The following MECOM variants were observed in gnomAD, a reference collection of about 807,000 sequenced individuals.
MECOM encodes MDS1 and EVI1 complex locus, also known as histone-lysine N-methyltransferase MECOM.
Under a neutral mutation model 116.3 loss-of-function variants are expected in MECOM, and 13 were observed. The ratio of observed to expected loss-of-function variants is 0.11; its 90% CI spans 0.07 to 0.18. MECOM has a LOEUF of 0.18. Ranked by LOEUF, MECOM falls within the 10% of genes least tolerant of loss-of-function variation. MECOM has a pLI of 1.00. For missense variants in MECOM, 1,299 were observed against 1,509.0 expected, an observed-to-expected ratio of 0.86 and a Z score of 2.31; for synonymous variants, 528 against 535.2, an observed-to-expected ratio of 0.99 and a Z score of 0.19.
chr3:169,218,514 G>C (rs1305085826), intron 2 of MECOM, among the ~76,000 whole-genome samples: 1 of 152,142 alleles, frequency 6.6e-6, no homozygotes, highest in Non-Finnish European at 1.5e-5. Context: ...CTTTTGACTG[G>C]AATGAGTATT....
chr3:169,152,059 T>C (rs953392321), intron 2 of MECOM, among the ~76,000 whole-genome samples: 10 of 152,166 alleles, frequency 6.6e-5, no homozygotes, highest in Non-Finnish European at 1.0e-4. Flanking sequence ...CAAGCTTTGT[T>C]CTCTAAGCAT....
At chr3:169,266,096 C>G (rs559300548) in intron 2 of MECOM, among the ~76,000 whole-genome samples, 37 of 152,268 alleles carry the variant, frequency 2.4e-4, no homozygotes, top group African/African-American at 8.7e-4. Flanking sequence ...AGGATTTTTA[C>G]TTTGATAATT....
At chr3:169,146,615 G>A in intron 2 of MECOM, 2 of 1,369,744 alleles carry the variant, frequency 1.5e-6, no homozygotes, top group Non-Finnish European at 1.9e-6. Context: ...AGAAGGCTGG[G>A]GGCGGGGGGC....
chr3:169,660,476 G>A (rs947300582), intron 1 of MECOM, among the ~76,000 whole-genome samples: 2 of 151,774 alleles, frequency 1.3e-5, no homozygotes, highest in Non-Finnish European at 2.9e-5. Flanking sequence ...TCTGGTCTAG[G>A]TCCATGGGCT....
intron 2 of MECOM, among the ~76,000 whole-genome samples, chr3:169,212,397 C>G (rs557657004): frequency 6.6e-6 from 1 of 151,132 alleles, no homozygotes; most frequent in South Asian, 2.1e-4. Context: ...TACTCCAATG[C>G]CTGCAGGACA....
chr3:169,541,190 T>C (rs1235508540), intron 1 of MECOM, among the ~76,000 whole-genome samples: 1 of 152,158 alleles, frequency 6.6e-6, no homozygotes, highest in Non-Finnish European at 1.5e-5. Flanking sequence ...ACAAACTCCC[T>C]GGGGATATTG....
At chr3:169,288,411 T>C (rs1444674463) in intron 2 of MECOM, among the ~76,000 whole-genome samples, 1 of 152,174 alleles carries the variant, frequency 6.6e-6, no homozygotes, top group Non-Finnish European at 1.5e-5. Flanking sequence ...CTTCTTTCAT[T>C]TCACAATATA....
chr3:169,471,291 C>A (rs1049578198), intron 1 of MECOM, among the ~76,000 whole-genome samples: 1 of 151,982 alleles, frequency 6.6e-6, no homozygotes, highest in East Asian at 1.9e-4. Flanking sequence ...CACACCCAGC[C>A]TCAATGTCTC....
At chr3:169,236,365 C>T (rs1203277913) in intron 2 of MECOM, among the ~76,000 whole-genome samples, 1 of 152,076 alleles carries the variant, frequency 6.6e-6, no homozygotes, top group African/African-American at 2.4e-5. Context: ...ACTTTCTCTT[C>T]GAGTGTTGCA....
intron 1 of MECOM, among the ~76,000 whole-genome samples, chr3:169,591,430 T>C (rs1766393970): frequency 6.6e-6 from 1 of 151,976 alleles, no homozygotes; most frequent in Non-Finnish European, 1.5e-5. Flanking sequence ...GATTGGAGAG[T>C]CGAGAGTCGG....
rs1308103530 is a variant in MECOM at position 169,211,309 on chromosome 3, T to C, written c.376-67477A>G. Among the ~76,000 whole-genome samples, 10 of 152,098 alleles carry C rather than the reference T, an allele frequency of 6.6e-5. No homozygotes were observed. The East Asian group carries it at 1.3e-3, about 21-fold the overall frequency. ...CTTGGACATGATCTCAATGATGAGATTGATTAGTAAAAAACAAAAAGAAAA... is the reference window on the plus strand; with the variant it reads ...CTTGGACATGATCTCAATGATGAGACTGATTAGTAAAAAACAAAAAGAAAA... On this transcript the variant is annotated intron_variant, in intron 2 of 16. Transcript: ENST00000651503.
chr3:169,088,957 T>C (rs557126883), intron 16 of MECOM, 43 bp downstream of exon 16: 2 of 1,378,768 alleles, frequency 1.5e-6, no homozygotes, highest in East Asian at 2.6e-5. Flanking sequence ...GTACGTTTCA[T>C]GCATAATGTA....
chr3:169,123,754 A>G (rs1056238024), intron 5 of MECOM, among the ~76,000 whole-genome samples: 2 of 152,080 alleles, frequency 1.3e-5, no homozygotes, highest in Non-Finnish European at 2.9e-5. Flanking sequence ...AGCAATTTAT[A>G]GATAATATCC....
intron 2 of MECOM, among the ~76,000 whole-genome samples, chr3:169,208,196 AAT>A (rs142454508): frequency 5.6e-5 from 8 of 142,276 alleles, no homozygotes; most frequent in Admixed American, 3.5e-4. Context: ...TCTAGTCAGC[AAT>A]ATATATATAT....
In MECOM at chr3:169,084,949, G is replaced by A. The variant is rs201825977; in HGVS notation, c.3680C>T (p.Ala1227Val). The A allele has an allele frequency of 1.1e-4, 185 of 1,614,056 alleles. 1 individual carries two copies. Among genetic ancestry groups the A allele is most frequent in the East Asian group, 7.4e-4 (33 of 44,874 alleles). ...SNVWHSMARA[A>V]AESSAIQSIS... ...GGACTGGATAGCACTGGATTCCGCC[G>A]CAGCCCTGGCCATACTGTGCCACAC... Residue 1227 changes from alanine to valine, a missense_variant, in exon 17 of 17, where the codon GCG becomes GTG. Coordinates refer to ENST00000651503, the MANE Select transcript of MECOM (RefSeq NM_004991.4).
chr3:169,536,347 C>CTTTTT (rs10634392), intron 1 of MECOM, among the ~76,000 whole-genome samples: 1 of 116,106 alleles, frequency 8.6e-6, no homozygotes, highest in African/African-American at 3.5e-5. Context: ...AATGTCTCTC[C>CTTTTT]TTTTTTTTTT....
At chr3:169,484,482 A>G (rs973008101) in intron 1 of MECOM, among the ~76,000 whole-genome samples, 1 of 152,230 alleles carries the variant, frequency 6.6e-6, no homozygotes, top group Non-Finnish European at 1.5e-5. Flanking sequence ...TTCCATTTAA[A>G]AAGATGCTCT....
chr3:169,450,169 T>C (rs918659481), intron 1 of MECOM, among the ~76,000 whole-genome samples: 3 of 152,182 alleles, frequency 2.0e-5, no homozygotes, highest in South Asian at 4.1e-4. Flanking sequence ...TATTAGGCTA[T>C]GCCAGAACAA....
chr3:169,378,442 AAAGAAAGAAGGAAAGCAAGC>A (rs1472985936), intron 2 of MECOM, among the ~76,000 whole-genome samples: 1,845 of 85,168 alleles, frequency 0.022, 150 homozygotes, highest in Non-Finnish European at 0.024. Flanking sequence ...AGAAAGAAAG[AAAGAAAGAAGGAAAGCAAGC>A]AAGCAAGCAA....
Sources: gnomAD v4.1 joint callset for allele counts (sites outside exome capture counted in the v4.1 genomes callset) on GRCh38, gnomAD v4.1.1 for gene constraint, MANE v1.5 for transcripts, NCBI Gene and HGNC (gene_info 2026-07-23, HGNC 2026-07-21) for gene names.